Variants in SLC30A9 observed in about 807,000 individuals in gnomAD.
SLC30A9 encodes solute carrier family 30 member 9.
In SLC30A9, 58 loss-of-function variants were observed where a neutral mutation model predicts 87.5. The ratio of observed to expected loss-of-function variants is 0.66; its 90% CI spans 0.54 to 0.82. SLC30A9 has a LOEUF of 0.82. Ranked by LOEUF, SLC30A9 falls within the 40% of genes least tolerant of loss-of-function variation. The pLI is 0.00. For missense variants in SLC30A9, 557 were observed against 679.1 expected, an observed-to-expected ratio of 0.82 and a Z score of 2.00; for synonymous variants, 234 against 233.0, an observed-to-expected ratio of 1.00 and a Z score of -0.04.
intron 6 of SLC30A9, chr4:42,029,443 T>A: frequency 1.5e-6 from 1 of 650,444 alleles, no homozygotes; most frequent in South Asian, 1.5e-5. Context: ...CCCACCAGGA[T>A]TAACACAGAT....
intron 6 of SLC30A9, among the ~76,000 whole-genome samples, chr4:42,033,599 G>A (rs924841930): frequency 4.6e-5 from 7 of 150,834 alleles, no homozygotes; most frequent in South Asian, 4.2e-4. Flanking sequence ...TTTTTGAGGC[G>A]GAGTCTCGCT....
intron 7 of SLC30A9, among the ~76,000 whole-genome samples, chr4:42,035,622 C>T (rs1367506106): frequency 2.6e-5 from 4 of 151,852 alleles, no homozygotes; most frequent in South Asian, 2.1e-4. Flanking sequence ...CTCAGCCTCC[C>T]GAGCAGCTGG....
intron 2 of SLC30A9, among the ~76,000 whole-genome samples, chr4:42,012,710 T>C (rs1715503085): frequency 6.6e-6 from 1 of 152,156 alleles, no homozygotes; most frequent in South Asian, 2.1e-4. Context: ...ATTTTTTTAA[T>C]CCATTAACCA....
chr4:42,032,131 C>T (rs904453390), intron 6 of SLC30A9, among the ~76,000 whole-genome samples: 7 of 152,040 alleles, frequency 4.6e-5, no homozygotes, highest in Admixed American at 1.3e-4. Context: ...CTCATGAGAA[C>T]GAACTCACCA....
At chr4:42,047,712 A>T (rs758410206) in intron 8 of SLC30A9, among the ~76,000 whole-genome samples, 1 of 152,258 alleles carries the variant, frequency 6.6e-6, no homozygotes, top group Non-Finnish European at 1.5e-5. Context: ...CATTTGATCC[A>T]GCAGTCCCAT....
chr4:42,084,760 C>G (rs1354838617), intron 17 of SLC30A9, among the ~76,000 whole-genome samples: 1 of 152,168 alleles, frequency 6.6e-6, no homozygotes, highest in East Asian at 1.9e-4. Flanking sequence ...CGTGAGCCAC[C>G]GCGCCCGGCC....
chr4:42,032,032 T>A (rs1716464976), intron 6 of SLC30A9, among the ~76,000 whole-genome samples: 1 of 152,176 alleles, frequency 6.6e-6, no homozygotes. Context: ...CTTCCAGTCT[T>A]GGCGGAAGGC....
Position 42,053,695 on chromosome 4 carries a change from CAAAAAAAAAAAAAAA to C in SLC30A9, c.840+4231_840+4245del, listed in dbSNP as rs56190460. On this transcript the variant is annotated intron_variant, in intron 9 of 17. Coordinates refer to ENST00000264451, the MANE Select transcript of SLC30A9 (RefSeq NM_006345.4). ...TGGATGACAAGAGTGACTCGGTCTC[CAAAAAAAAAAAAAAA>C]AAAAAAAAAAAAAAGGAATGTTATA... Among the ~76,000 whole-genome samples, 3 of 55,922 alleles carry C rather than the reference CAAAAAAAAAAAAAAA, an allele frequency of 5.4e-5. No individual in the cohort carries two copies. In the Admixed American group the frequency reaches 8.5e-4, roughly 16 times the overall value. The allele number at this position is 55,922 out of a possible 152,430, so 36.7% of individuals were successfully genotyped here.
intron 1 of SLC30A9, among the ~76,000 whole-genome samples, chr4:41,994,560 T>G (rs1402389488): frequency 6.6e-6 from 1 of 151,836 alleles, no homozygotes; most frequent in Non-Finnish European, 1.5e-5. Context: ...TATGTTATTA[T>G]TGTCTCCAAT....
chr4:42,001,260 T>A (rs1714971230), intron 1 of SLC30A9, among the ~76,000 whole-genome samples: 2 of 152,074 alleles, frequency 1.3e-5, no homozygotes, highest in Admixed American at 1.3e-4. Flanking sequence ...GATAATTTTG[T>A]GTAGGAAGTC....
chr4:42,078,414 A>C, intron 17 of SLC30A9, 89 bp downstream of exon 17: 1 of 681,604 alleles, frequency 1.5e-6, no homozygotes, highest in South Asian at 1.7e-5. Context: ...TGCATCCATC[A>C]CATGCATGCT....
intron 1 of SLC30A9, among the ~76,000 whole-genome samples, chr4:41,993,870 T>C (rs1348809166): frequency 1.3e-5 from 2 of 152,124 alleles, no homozygotes; most frequent in Non-Finnish European, 2.9e-5. Context: ...AAAATTATAA[T>C]TCAGGGCTGG....
chr4:42,062,371 T>G (rs1717892224), intron 10 of SLC30A9, among the ~76,000 whole-genome samples: 1 of 152,142 alleles, frequency 6.6e-6, no homozygotes, highest in Non-Finnish European at 1.5e-5. Context: ...GTGTCAGTAC[T>G]AACAATAATA....
intron 2 of SLC30A9, among the ~76,000 whole-genome samples, chr4:42,011,595 C>G (rs575998149): frequency 6.6e-6 from 1 of 152,286 alleles, no homozygotes; most frequent in East Asian, 1.9e-4. Context: ...ATACCCTATT[C>G]AGGGTAAGAT....
intron 9 of SLC30A9, among the ~76,000 whole-genome samples, chr4:42,055,046 G>A (rs368202201): frequency 2.0e-5 from 3 of 151,942 alleles, no homozygotes; most frequent in African/African-American, 4.8e-5. Flanking sequence ...TATCAGGGCC[G>A]GGCATGGTGG....
chr4:42,042,397 C>A (rs1448044213), intron 8 of SLC30A9, among the ~76,000 whole-genome samples: 1 of 152,042 alleles, frequency 6.6e-6, no homozygotes, highest in Non-Finnish European at 1.5e-5. Flanking sequence ...GGGTTGGGGA[C>A]CACCATTACT....
chr4:42,084,620 C>T (rs962430786), intron 17 of SLC30A9, among the ~76,000 whole-genome samples: 2 of 152,118 alleles, frequency 1.3e-5, no homozygotes, highest in African/African-American at 2.4e-5. Context: ...TACAGGCATG[C>T]GCCACTATGC....
intron 17 of SLC30A9, among the ~76,000 whole-genome samples, chr4:42,081,830 T>G (rs1159984095): frequency 6.6e-6 from 1 of 152,212 alleles, no homozygotes; most frequent in Non-Finnish European, 1.5e-5. Flanking sequence ...GGCTATTAAA[T>G]CATTAATAAT....
At chr4:42,053,620 C>T (rs148574591) in intron 9 of SLC30A9, among the ~76,000 whole-genome samples, 5,550 of 125,158 alleles carry the variant, frequency 0.044, 141 homozygotes, top group Admixed American at 0.052. Context: ...ACCCGGGAGG[C>T]GGGGGTTACA....
Sources: gnomAD v4.1 joint callset for allele counts (sites outside exome capture counted in the v4.1 genomes callset) on GRCh38, gnomAD v4.1.1 for gene constraint, MANE v1.5 for transcripts, NCBI Gene and HGNC (gene_info 2026-07-23, HGNC 2026-07-21) for gene names.